The following TAOK1 variants were observed in gnomAD, a reference collection of about 807,000 sequenced individuals.
TAOK1 encodes the protein TAO kinase 1, also known as serine/threonine-protein kinase TAO1.
Under a neutral mutation model 138.3 loss-of-function variants are expected in TAOK1, and 21 were observed. The observed-to-expected ratio is 0.15, with a 90% confidence interval of 0.11 to 0.22. TAOK1 has a LOEUF of 0.22. Ranked by LOEUF, TAOK1 falls within the 10% of genes least tolerant of loss-of-function variation. TAOK1 has a pLI of 1.00. For synonymous variants in TAOK1, 361 were observed against 398.4 expected (o/e 0.91, Z 1.12); for missense variants, 651 against 1,227.7 (o/e 0.53, Z 7.02).
intron 13 of TAOK1, 131 bp downstream of exon 13, chr17:29,502,854 G>A: frequency 1.0e-6 from 1 of 990,260 alleles, no homozygotes; most frequent in Non-Finnish European, 1.4e-6. Context: ...ATATTTAAGT[G>A]CCTATTAAGA....
At chr17:29,432,687 C>G (rs1905884039) in intron 1 of TAOK1, among the ~76,000 whole-genome samples, 1 of 151,862 alleles carries the variant, frequency 6.6e-6, no homozygotes, top group Admixed American at 6.6e-5. Context: ...GTTGACCAGG[C>G]TGGTCTTGAA....
At chr17:29,446,596 A>C (rs1448230022) in intron 1 of TAOK1, among the ~76,000 whole-genome samples, 1 of 152,154 alleles carries the variant, frequency 6.6e-6, no homozygotes, top group Non-Finnish European at 1.5e-5. Context: ...TCAAAACTCC[A>C]TTATTGACTC....
At chr17:29,513,074 A>G (rs1047348807) in intron 15 of TAOK1, 2 of 100,726 alleles carry the variant, frequency 2.0e-5, no homozygotes, top group African/African-American at 3.8e-5. Context: ...CCCCCGTCTT[A>G]TAGGATGATT....
intron 1 of TAOK1, chr17:29,445,521 A>G (rs1327825882): frequency 6.6e-6 from 1 of 152,072 alleles, no homozygotes; most frequent in African/African-American, 2.4e-5. Flanking sequence ...TTCTATTCCT[A>G]GTTTGAGTGT....
chr17:29,420,262 A>T (rs1363659599), intron 1 of TAOK1, among the ~76,000 whole-genome samples: 1 of 151,446 alleles, frequency 6.6e-6, no homozygotes, highest in African/African-American at 2.4e-5. Context: ...GGCTGGCCAC[A>T]GACTCAAGCA....
intron 1 of TAOK1, among the ~76,000 whole-genome samples, chr17:29,442,783 A>G (rs538487123): frequency 6.6e-6 from 1 of 152,254 alleles, no homozygotes; most frequent in Non-Finnish European, 1.5e-5. Context: ...CAGGCCTGGC[A>G]TGGTGGCTCA....
At chr17:29,477,459 T>C (rs2030969661) in intron 4 of TAOK1, among the ~76,000 whole-genome samples, 1 of 151,838 alleles carries the variant, frequency 6.6e-6, no homozygotes, top group Non-Finnish European at 1.5e-5. Context: ...AATCACTGAA[T>C]ACATAACTAT....
intron 1 of TAOK1, among the ~76,000 whole-genome samples, chr17:29,401,905 C>T (rs947661649): frequency 1.1e-4 from 16 of 152,198 alleles, no homozygotes; most frequent in African/African-American, 3.4e-4. Context: ...CCACCTTGGC[C>T]TCCCAAAGTG....
chr17:29,417,419 C>A (rs560878827), intron 1 of TAOK1, among the ~76,000 whole-genome samples: 10 of 152,232 alleles, frequency 6.6e-5, no homozygotes, highest in African/African-American at 2.4e-4. Context: ...TTTGCAGATA[C>A]GTTTTTTTCG....
chr17:29,436,269 C>A (rs550525134), intron 1 of TAOK1, among the ~76,000 whole-genome samples: 1 of 152,102 alleles, frequency 6.6e-6, no homozygotes, highest in Non-Finnish European at 1.5e-5. Context: ...TAGGAATATA[C>A]CTTACTCAAT....
At chr17:29,493,461 T>C (rs2031347339) in intron 10 of TAOK1, among the ~76,000 whole-genome samples, 2 of 148,194 alleles carry the variant, frequency 1.3e-5, no homozygotes, top group African/African-American at 2.5e-5. Flanking sequence ...ACCATTGCAC[T>C]CCAGCCTGGG....
intron 8 of TAOK1, among the ~76,000 whole-genome samples, chr17:29,487,443 T>C (rs1329355040): frequency 2.0e-5 from 3 of 152,138 alleles, no homozygotes; most frequent in Non-Finnish European, 4.4e-5. Flanking sequence ...AAATGTATTA[T>C]GTACATGTAT....
At chr17:29,465,386 G>T (rs767930496) in intron 2 of TAOK1, among the ~76,000 whole-genome samples, 4 of 151,762 alleles carry the variant, frequency 2.6e-5, no homozygotes, top group Non-Finnish European at 5.9e-5. Context: ...TCCTGACCTC[G>T]CAATCCGCGC....
At chr17:29,498,869 T>C (rs544843892) in intron 12 of TAOK1, among the ~76,000 whole-genome samples, 54 of 151,704 alleles carry the variant, frequency 3.6e-4, no homozygotes, top group African/African-American at 1.3e-3. Flanking sequence ...GAGGTTGCAG[T>C]GAGCCAAGAT....
At chr17:29,463,642 G>C (rs552195241) in intron 2 of TAOK1, among the ~76,000 whole-genome samples, 19 of 151,882 alleles carry the variant, frequency 1.3e-4, no homozygotes, top group Non-Finnish European at 5.9e-5. Context: ...AATACTCTTA[G>C]AAGAAAATGT....
chr17:29,433,124 C>T (rs1305779227), intron 1 of TAOK1, among the ~76,000 whole-genome samples: 4 of 152,048 alleles, frequency 2.6e-5, no homozygotes, highest in South Asian at 2.1e-4. Context: ...GAGTTTGAGT[C>T]TCAGTTATAG....
chr17:29,492,045 C>A (rs929407745), intron 10 of TAOK1, among the ~76,000 whole-genome samples, 180 bp downstream of exon 10: 1 of 152,026 alleles, frequency 6.6e-6, no homozygotes, highest in Non-Finnish European at 1.5e-5. Flanking sequence ...CCACTGAACC[C>A]GGCTAATTTT....
At chr17:29,517,013 G>A (rs919535648) in intron 15 of TAOK1, among the ~76,000 whole-genome samples, 7 of 149,568 alleles carry the variant, frequency 4.7e-5, no homozygotes, top group African/African-American at 1.2e-4. Context: ...TTGAGACAGA[G>A]TCTCGCTCTG....
rs1175277978 is a variant in TAOK1 at position 29,517,539 on chromosome 17, A to C, written c.1791A>C (p.Ala597=). The part of the protein sequence containing the change: ...KQKENIQHFQ[A]EEEANLLRRQ... ...AGGAGAATATACAGCATTTCCAAGC[A>C]GAAGAAGAAGCTAACCTTCTTCGAC... The change falls in exon 16 of 20, where the codon GCA becomes GCC. Residue 597 remains alanine (A), a synonymous_variant. Transcript: ENST00000261716. 3.1e-6 allele frequency: 5 copies of C among 1,613,988 alleles called. No homozygotes were observed. Among genetic ancestry groups the C allele is most frequent in the Non-Finnish European group, 4.2e-6 (5 of 1,180,028 alleles).
Sources: allele counts gnomAD v4.1 joint callset (sites outside exome capture counted in the v4.1 genomes callset), GRCh38; gene constraint gnomAD v4.1.1; transcripts MANE v1.5; gene names NCBI Gene and HGNC (gene_info 2026-07-23, HGNC 2026-07-21).